The following MAPK8 variants were observed in gnomAD, a reference collection of about 807,000 sequenced individuals.
The protein encoded by MAPK8 is JUN N-terminal kinase.
In MAPK8, 13 loss-of-function variants were observed where a neutral mutation model predicts 52.9. That is an observed-to-expected ratio of 0.25 (90% CI 0.16 to 0.39). The LOEUF is 0.39. Among genes scored for constraint, MAPK8 ranks in the 10% least tolerant of loss-of-function variants. MAPK8 has a pLI of 1.00. For synonymous variants in MAPK8, 191 were observed against 169.8 expected, an observed-to-expected ratio of 1.12 and a Z score of -0.97; for missense variants, 300 against 519.2, an observed-to-expected ratio of 0.58 and a Z score of 4.10.
At chr10:48,356,606 C>G (rs1201052777) in intron 1 of MAPK8, among the ~76,000 whole-genome samples, 1 of 151,948 alleles carries the variant, frequency 6.6e-6, no homozygotes, top group African/African-American at 2.4e-5. Context: ...CTTCAGGAGG[C>G]CGAGGCAGGT....
chr10:48,376,709 A>G (rs1051424536), intron 1 of MAPK8, among the ~76,000 whole-genome samples: 41 of 152,252 alleles, frequency 2.7e-4, no homozygotes, highest in African/African-American at 9.2e-4. Flanking sequence ...TAGAATGGCA[A>G]TCATTAAAAA....
chr10:48,418,580 A>G (rs548714752), intron 5 of MAPK8, among the ~76,000 whole-genome samples: 30 of 152,310 alleles, frequency 2.0e-4, no homozygotes, highest in African/African-American at 7.2e-4. Context: ...CTCACATCCC[A>G]TGAACTAGAA....
rs145235065 is a variant in MAPK8, at chr10:48,408,723, A to G, written c.253-1156A>G. On this transcript the variant is annotated intron_variant, in intron 3 of 11. Transcript: ENST00000374189. ...AAACCATCGTTAGTGACCCTTAATC[A>G]GCTCAGGCCACCATAACAAAATACT... 3.3e-5 allele frequency among the ~76,000 whole-genome samples: 5 copies of G among 152,352 alleles called. No homozygotes were observed. The East Asian group carries it at 9.6e-4, about 29-fold the overall frequency.
At chr10:48,323,264 G>A (rs965786357) in intron 1 of MAPK8, among the ~76,000 whole-genome samples, 2 of 152,180 alleles carry the variant, frequency 1.3e-5, no homozygotes, top group East Asian at 1.9e-4. Context: ...TATCAAAGGC[G>A]CTGACATATT....
intron 1 of MAPK8, among the ~76,000 whole-genome samples, chr10:48,321,006 C>G (rs1474873058): frequency 6.7e-6 from 1 of 148,714 alleles, no homozygotes; most frequent in African/African-American, 2.5e-5. Flanking sequence ...TTCTTGGCCA[C>G]TTTTATATCT....
chr10:48,358,975 A>G (rs1847269461), intron 1 of MAPK8, among the ~76,000 whole-genome samples: 1 of 152,166 alleles, frequency 6.6e-6, no homozygotes, highest in Non-Finnish European at 1.5e-5. Context: ...GTCTGTCCTT[A>G]TGCCAGTACC....
chr10:48,326,645 T>G (rs879690065), intron 1 of MAPK8, among the ~76,000 whole-genome samples: 4 of 152,336 alleles, frequency 2.6e-5, no homozygotes, highest in African/African-American at 7.2e-5. Context: ...TAGAGAGAGA[T>G]ATAAGTATTT....
intron 1 of MAPK8, among the ~76,000 whole-genome samples, chr10:48,370,488 C>T (rs1848443111): frequency 6.6e-6 from 1 of 151,990 alleles, no homozygotes; most frequent in African/African-American, 2.4e-5. Context: ...ACTAATGGAA[C>T]ATGGAATATA....
At chr10:48,318,758 C>T (rs184952289) in intron 1 of MAPK8, among the ~76,000 whole-genome samples, 95 of 152,182 alleles carry the variant, frequency 6.2e-4, no homozygotes, top group Non-Finnish European at 1.1e-3. Context: ...AGTAAGGGTA[C>T]GTACTGTAAA....
intron 6 of MAPK8, among the ~76,000 whole-genome samples, chr10:48,421,007 C>T (rs1339724766): frequency 6.6e-6 from 1 of 152,076 alleles, no homozygotes; most frequent in Non-Finnish European, 1.5e-5. Context: ...TTTGTTGAGT[C>T]TTAGAAATTT....
intron 1 of MAPK8, among the ~76,000 whole-genome samples, chr10:48,345,004 AAAAT>A (rs1399259789): frequency 6.6e-6 from 1 of 152,238 alleles, no homozygotes; most frequent in African/African-American, 2.4e-5. Context: ...GTTTTTTAAA[AAAAT>A]CCGTGAATGC....
At chr10:48,367,218 T>C (rs150752467) in intron 1 of MAPK8, among the ~76,000 whole-genome samples, 94 of 151,940 alleles carry the variant, frequency 6.2e-4, no homozygotes, top group African/African-American at 2.2e-3. Flanking sequence ...ATTTTAAAAT[T>C]AAGCAAGCTT....
chr10:48,359,868 A>G (rs1048054315), intron 1 of MAPK8, among the ~76,000 whole-genome samples: 2 of 152,252 alleles, frequency 1.3e-5, no homozygotes, highest in Non-Finnish European at 2.9e-5. Flanking sequence ...TTCTTAATCA[A>G]GACACAGAAA....
chr10:48,389,352 C>A (rs1277104055), intron 1 of MAPK8, among the ~76,000 whole-genome samples: 1 of 152,160 alleles, frequency 6.6e-6, no homozygotes, highest in Non-Finnish European at 1.5e-5. Context: ...GAGCTAACCT[C>A]ATAGTGCTCA....
intron 1 of MAPK8, among the ~76,000 whole-genome samples, chr10:48,319,027 A>AT (rs1268852827): frequency 6.6e-6 from 1 of 152,170 alleles, no homozygotes; most frequent in African/African-American, 2.4e-5. Flanking sequence ...GATGTGAGGT[A>AT]TGAGAGGATT....
At chr10:48,416,286 A>G (rs978176206) in intron 5 of MAPK8, among the ~76,000 whole-genome samples, 1 of 152,194 alleles carries the variant, frequency 6.6e-6, no homozygotes, top group African/African-American at 2.4e-5. Context: ...AGTGATGTGC[A>G]TGGATGGCTC....
chr10:48,327,687 A>C (rs1157976981), intron 1 of MAPK8, among the ~76,000 whole-genome samples: 1 of 152,220 alleles, frequency 6.6e-6, no homozygotes, highest in Non-Finnish European at 1.5e-5. Flanking sequence ...TGTTTGGAAT[A>C]ATTCACCAGT....
chr10:48,406,234 G>A (rs7075976), intron 3 of MAPK8, among the ~76,000 whole-genome samples: 76,547 of 152,010 alleles, frequency 0.5, 19,886 homozygotes, highest in Middle Eastern at 0.72. Flanking sequence ...TAGGGAGGAA[G>A]TTGTGGTAGC....
chr10:48,311,968 T>C (rs1842023176), intron 1 of MAPK8, among the ~76,000 whole-genome samples: 1 of 152,222 alleles, frequency 6.6e-6, no homozygotes, highest in Non-Finnish European at 1.5e-5. Flanking sequence ...CTACCCTCAG[T>C]GAGCTGAGTA....
Sources: allele counts gnomAD v4.1 joint callset (sites outside exome capture counted in the v4.1 genomes callset), GRCh38; gene constraint gnomAD v4.1.1; transcripts MANE v1.5; gene names NCBI Gene and HGNC (gene_info 2026-07-23, HGNC 2026-07-21).